LRCH1: variants seen among roughly 807,000 people sequenced by gnomAD.
The protein encoded by LRCH1 is leucine-rich repeat and calponin homology domain-containing protein 1.
In LRCH1, 23 loss-of-function variants were observed where a neutral mutation model predicts 94.9. That is an observed-to-expected ratio of 0.24 (90% confidence interval 0.17 to 0.34). The LOEUF is 0.34. LRCH1 is among the 10% of genes least tolerant of loss of function. LRCH1 has a pLI of 1.00. For synonymous variants in LRCH1, 364 were observed against 354.9 expected, an observed-to-expected ratio of 1.03 and a Z score of -0.29; for missense variants, 790 against 945.9, an observed-to-expected ratio of 0.84 and a Z score of 2.16.
rs556599365 is a variant in LRCH1, at chr13:46,564,134, A to G, written c.307+10431A>G. Among the ~76,000 whole-genome samples the G allele has an allele frequency of 3.9e-3, 591 of 152,334 alleles. 4 individuals carry two copies. Among genetic ancestry groups the G allele is most frequent in the South Asian group, 0.026 (126 of 4,822 alleles). ...GTAGGATTTGACTGCATGTGGTTTG[A>G]GGGACATGCACAGGCCTCTTGTCAA... On this transcript the variant is annotated intron_variant, in intron 1 of 19. Coordinates refer to ENST00000389797, the MANE Select transcript of LRCH1 (RefSeq NM_001164211.2).
At position 46,701,179 on chromosome 13, in the gene LRCH1, G is replaced by A; in HGVS notation, c.1372G>A (p.Ala458Thr). ...AGCAATGATCGAGCAGCTGAGAGAA[G>A]CAGTAGATTTGCTGCAAGATCCCAA... ...DIAMIEQLRE[A>T]VDLLQDPNGL... The change falls in exon 11 of 20, where the codon GCA becomes ACA. Residue 458 changes from alanine (A) to threonine (T), a missense_variant. Coordinates refer to ENST00000389797, the MANE Select transcript of LRCH1 (RefSeq NM_001164211.2). The A allele has an allele frequency of 3.7e-6, 6 of 1,613,782 alleles. No homozygotes were observed. Among genetic ancestry groups the A allele is most frequent in the Non-Finnish European group, 5.1e-6 (6 of 1,179,686 alleles).
At chr13:46,622,921 G>A (rs993848968) in intron 1 of LRCH1, among the ~76,000 whole-genome samples, 3 of 152,150 alleles carry the variant, frequency 2.0e-5, no homozygotes, top group Non-Finnish European at 4.4e-5. Flanking sequence ...TTGCTGTTGC[G>A]TCGTACTGCT....
intron 8 of LRCH1, among the ~76,000 whole-genome samples, chr13:46,693,454 C>T (rs1871017365): frequency 6.6e-6 from 1 of 152,090 alleles, no homozygotes; most frequent in Non-Finnish European, 1.5e-5. Context: ...GAAGGAGTGC[C>T]CATCACTGAT....
At chr13:46,615,540 T>A (rs2138011716) in intron 1 of LRCH1, among the ~76,000 whole-genome samples, 1 of 152,306 alleles carries the variant, frequency 6.6e-6, no homozygotes, top group Non-Finnish European at 1.5e-5. Context: ...CATCACATGG[T>A]TAAGTGGCAT....
At chr13:46,713,273 G>A (rs951152777) in intron 15 of LRCH1, among the ~76,000 whole-genome samples, 10 of 152,038 alleles carry the variant, frequency 6.6e-5, no homozygotes, top group Admixed American at 2.0e-4. Context: ...CCTTCTTTTA[G>A]GTCTTTCTTT....
At chr13:46,695,609 G>A (rs757634829) in intron 9 of LRCH1, among the ~76,000 whole-genome samples, 17 of 152,176 alleles carry the variant, frequency 1.1e-4, no homozygotes, top group Non-Finnish European at 1.3e-4. Context: ...TTCACAACCC[G>A]ATTAGGTGCT....
intron 2 of LRCH1, among the ~76,000 whole-genome samples, chr13:46,666,464 A>G (rs1384290573): frequency 6.6e-6 from 1 of 152,216 alleles, no homozygotes; most frequent in African/African-American, 2.4e-5. Flanking sequence ...TGCACCAACT[A>G]GTGAGACGGA....
intron 9 of LRCH1, among the ~76,000 whole-genome samples, chr13:46,695,427 C>T (rs1192694070): frequency 6.6e-6 from 1 of 152,102 alleles, no homozygotes; most frequent in African/African-American, 2.4e-5. Flanking sequence ...AATGTCTTTC[C>T]TTTTTGGAAA....
chr13:46,562,971 G>C (rs534476290), intron 1 of LRCH1, among the ~76,000 whole-genome samples: 4 of 152,112 alleles, frequency 2.6e-5, no homozygotes, highest in Non-Finnish European at 5.9e-5. Flanking sequence ...GAATCTTTTC[G>C]GTGGTTGGTG....
chr13:46,703,887 A>G (rs907571510), intron 11 of LRCH1, among the ~76,000 whole-genome samples: 3 of 146,152 alleles, frequency 2.1e-5, no homozygotes, highest in Non-Finnish European at 4.4e-5. Context: ...AGAAGGAAAT[A>G]TATTAAAATG....
intron 1 of LRCH1, among the ~76,000 whole-genome samples, chr13:46,594,142 T>C (rs2050532345): frequency 6.6e-6 from 1 of 151,954 alleles, no homozygotes; most frequent in African/African-American, 2.4e-5. Flanking sequence ...CATTTAAGCC[T>C]AGGCAGTCTG....
chr13:46,554,448 C>A (rs2050040705), intron 1 of LRCH1, among the ~76,000 whole-genome samples: 1 of 152,222 alleles, frequency 6.6e-6, no homozygotes, highest in East Asian at 1.9e-4. Context: ...ACCACCGAGG[C>A]TACCTGGTTC....
At chr13:46,692,379 T>C (rs1870942739) in intron 7 of LRCH1, among the ~76,000 whole-genome samples, 157 bp from the exon 8 acceptor site, 1 of 152,270 alleles carries the variant, frequency 6.6e-6, no homozygotes, top group South Asian at 2.1e-4. Flanking sequence ...TTTGCATTTT[T>C]TGAACTTACA....
chr13:46,712,533 G>A lies in LRCH1; in HGVS notation c.1590G>A (p.Glu530=). ...TCCTTCCAACACCACAGATTAGAGA[G>A]AACTCCCCTGCAGTCTCTCCTACCA... is the stretch of plus-strand genomic sequence containing the variant. The part of the protein sequence containing the change: ...GSQYSPNEIR[E]NSPAVSPTTN... Residue 530 remains glutamate (E), a synonymous_variant, in exon 15 of 20, where the codon GAG becomes GAA. Coordinates refer to ENST00000389797, the MANE Select transcript of LRCH1 (RefSeq NM_001164211.2). 6.2e-7 allele frequency: 1 copy of A among 1,613,282 alleles called. No homozygotes were observed. Among genetic ancestry groups the A allele is most frequent in the Non-Finnish European group, 8.5e-7 (1 of 1,179,362 alleles).
chr13:46,636,872 C>T (rs766740456), intron 1 of LRCH1, among the ~76,000 whole-genome samples: 11 of 152,324 alleles, frequency 7.2e-5, no homozygotes, highest in Admixed American at 1.3e-4. Context: ...TGTCCCAGGG[C>T]TGAGTGCATG....
chr13:46,734,262 A>G (rs1323798907), intron 19 of LRCH1, among the ~76,000 whole-genome samples: 1 of 152,216 alleles, frequency 6.6e-6, no homozygotes, highest in African/African-American at 2.4e-5. Context: ...ACTTGAAAAA[A>G]AATTTTAATC....
At chr13:46,709,307 C>A (rs1448065215) in intron 13 of LRCH1, among the ~76,000 whole-genome samples, 2 of 152,166 alleles carry the variant, frequency 1.3e-5, no homozygotes, top group East Asian at 3.9e-4. Flanking sequence ...TCAGTTGGCC[C>A]AGCCCAGCTT....
intron 1 of LRCH1, among the ~76,000 whole-genome samples, chr13:46,600,779 T>A (rs1380055471): frequency 6.6e-6 from 1 of 152,248 alleles, no homozygotes; most frequent in Non-Finnish European, 1.5e-5. Context: ...TATTTCATCA[T>A]GCAGTTTAAC....
intron 13 of LRCH1, among the ~76,000 whole-genome samples, chr13:46,707,028 T>C (rs1368560522): frequency 1.3e-5 from 2 of 152,236 alleles, no homozygotes; most frequent in African/African-American, 4.8e-5. Context: ...ATCATCTTCA[T>C]AAATTCATGG....
Sources: allele counts gnomAD v4.1 joint callset (sites outside exome capture counted in the v4.1 genomes callset), GRCh38; gene constraint gnomAD v4.1.1; transcripts MANE v1.5; gene names NCBI Gene and HGNC (gene_info 2026-07-23, HGNC 2026-07-21).